Variants in PPP1R16B observed in about 807,000 individuals in gnomAD.
PPP1R16B encodes the protein protein phosphatase 1 regulatory inhibitor subunit 16B.
In PPP1R16B, 14 loss-of-function variants were observed where a neutral mutation model predicts 61.7. The ratio of observed to expected loss-of-function variants is 0.23; its 90% CI spans 0.15 to 0.35. The LOEUF (loss-of-function observed/expected upper bound fraction) is 0.35, where lower values mean the gene tolerates loss of function less well. PPP1R16B is among the 10% of genes least tolerant of loss of function. The probability of loss-of-function intolerance (pLI) is 1.00; values close to 1 mark genes in which losing one functional copy is unlikely to be tolerated. For missense variants in PPP1R16B, 547 were observed against 752.5 expected (o/e 0.73, Z 3.19); for synonymous variants, 266 against 305.3 (o/e 0.87, Z 1.34).
At position 38,918,650 on chromosome 20, in the gene PPP1R16B, G is replaced by A. The variant is rs1274461835; in HGVS notation, c.1688G>A (p.Cys563Tyr). ...GAGATGGAGGAGAAGGTGCATGGCT[G>A]TTGCCGTATCTCCTAGTCTCCGTGT... is the stretch of plus-strand genomic sequence containing the variant. ...IEEMEEKVHG[C>Y]CRIS is the part of the protein sequence containing the mutation. Residue 563 changes from cysteine to tyrosine, a missense_variant, in exon 11 of 11, where the codon TGT (cysteine) becomes TAT (tyrosine). Transcript: ENST00000299824. This position sits in a 1 kb window ranked among gnomAD's most constrained non-coding sequence, Gnocchi z 5.3. 1 of 1,511,732 alleles carries A rather than the reference G, an allele frequency of 6.6e-7. No homozygotes were observed. Among genetic ancestry groups the A allele is most frequent in the African/African-American group, 1.4e-5 (1 of 71,762 alleles). 93.6% of individuals were successfully genotyped at this position (1,511,732 alleles called of 1,614,324 possible).
chr20:38,877,043 G>C (rs1402477014), intron 2 of PPP1R16B, among the ~76,000 whole-genome samples: 2 of 152,062 alleles, frequency 1.3e-5, no homozygotes, highest in African/African-American at 2.4e-5. Context: ...TATATATCAA[G>C]CATTTTCCCA....
intron 2 of PPP1R16B, among the ~76,000 whole-genome samples, chr20:38,839,094 A>C (rs1229000171): frequency 6.6e-6 from 1 of 152,042 alleles, no homozygotes; most frequent in African/African-American, 2.4e-5. Context: ...TACCCAGCTA[A>C]TTTTTGTATT....
chr20:38,855,730 C>T (rs779662468), intron 2 of PPP1R16B, among the ~76,000 whole-genome samples: 1 of 151,562 alleles, frequency 6.6e-6, no homozygotes, highest in Non-Finnish European at 1.5e-5. Flanking sequence ...GGCCATGCCA[C>T]CCACCCAGTG....
At chr20:38,914,963 C>T (rs946987397) in intron 10 of PPP1R16B, among the ~76,000 whole-genome samples, 1 of 152,182 alleles carries the variant, frequency 6.6e-6, no homozygotes, top group Non-Finnish European at 1.5e-5. Context: ...CCACTGCACC[C>T]AGCAGGGATT....
At chr20:38,841,353 G>GAAAAAAAAA (rs34203271) in intron 2 of PPP1R16B, among the ~76,000 whole-genome samples, 1 of 42,600 alleles carries the variant, frequency 2.3e-5, no homozygotes, top group African/African-American at 7.9e-5. Flanking sequence ...TGTCTGTACT[G>GAAAAAAAAA]AAAAAAAAAA....
intron 2 of PPP1R16B, among the ~76,000 whole-genome samples, chr20:38,887,825 A>C (rs969690129): frequency 6.6e-6 from 1 of 152,110 alleles, no homozygotes; most frequent in Non-Finnish European, 1.5e-5. Context: ...CTGGGTGGTG[A>C]CCTCAACCTC....
chr20:38,820,436 T>A (rs1204312251), intron 1 of PPP1R16B, among the ~76,000 whole-genome samples: 2 of 152,024 alleles, frequency 1.3e-5, no homozygotes, highest in Non-Finnish European at 2.9e-5. Flanking sequence ...CACATGCCTG[T>A]AATCCCAGCT....
chr20:38,810,145 A>C (rs907317826), intron 1 of PPP1R16B, among the ~76,000 whole-genome samples: 11 of 152,338 alleles, frequency 7.2e-5, no homozygotes, highest in Admixed American at 5.9e-4. Context: ...TGAGCCCTTC[A>C]GTGACAGTTT....
chr20:38,891,362 T>A (rs982389668), intron 3 of PPP1R16B, among the ~76,000 whole-genome samples: 2 of 152,214 alleles, frequency 1.3e-5, no homozygotes, highest in African/African-American at 4.8e-5. Flanking sequence ...AATGAACACA[T>A]GTAAAACTTT....
rs183468536 is a variant in PPP1R16B, at chr20:38,906,045, A to C, written c.773A>C (p.Lys258Thr). The change falls in exon 7 of 11, where the codon AAG becomes ACG. Residue 258 changes from lysine to threonine, a missense_variant. Lys to Thr is a moderately conservative substitution (Grantham distance 78). Transcript: ENST00000299824. ...GACCATGGAGTGCGTGTGGATGTGA[A>C]GGACTGGGATGGCTGGGAGCCCCTG... ...LLDHGVRVDV[K>T]DWDGWEPLHA... The C allele has an allele frequency of 5.6e-6, 9 of 1,613,618 alleles. No homozygotes were observed. In the Admixed American group the frequency reaches 1.0e-4, roughly 18 times the overall value.
chr20:38,899,788 T>C (rs1048086103), intron 4 of PPP1R16B, among the ~76,000 whole-genome samples: 10 of 151,966 alleles, frequency 6.6e-5, no homozygotes, highest in African/African-American at 2.4e-4. Context: ...TGACCGAACC[T>C]GTCTGAGTCT....
At chr20:38,915,466 T>C (rs989923364) in intron 10 of PPP1R16B, among the ~76,000 whole-genome samples, 4 of 152,210 alleles carry the variant, frequency 2.6e-5, no homozygotes, top group African/African-American at 9.6e-5. Flanking sequence ...ATATAATATG[T>C]GATGCTTTCA....
In PPP1R16B at chr20:38,889,585, C is replaced by T. The variant is rs1398163834; in HGVS notation, c.251-10C>T. On this transcript the variant is annotated splice_polypyrimidine_tract_variant and intron_variant, in intron 2 of 10. Transcript: ENST00000299824. ...AACGGGAAGCTCACTCCTGTACCCT[C>T]CTATTGCAGTACGCTACTTCCTGAA... 1.3e-6 allele frequency: 2 copies of T among 1,567,486 alleles called. No individual in the cohort carries two copies. The highest frequency in any genetic ancestry group is 1.8e-6 in the Non-Finnish European group (2 of 1,137,564).
intron 4 of PPP1R16B, among the ~76,000 whole-genome samples, chr20:38,899,370 G>A (rs1260356441): frequency 6.6e-6 from 1 of 152,182 alleles, no homozygotes; most frequent in Admixed American, 6.5e-5. Context: ...TGGGTCAGTG[G>A]GTCCCAAAGC....
chr20:38,825,897 T>C (rs2084802666), intron 1 of PPP1R16B, among the ~76,000 whole-genome samples: 1 of 152,228 alleles, frequency 6.6e-6, no homozygotes, highest in Non-Finnish European at 1.5e-5. Context: ...TCTTCAGCCA[T>C]GGCAGGCTTT....
intron 2 of PPP1R16B, among the ~76,000 whole-genome samples, chr20:38,885,057 A>G (rs182989468): frequency 2.1e-4 from 30 of 142,634 alleles, no homozygotes; most frequent in Non-Finnish European, 2.4e-4. Flanking sequence ...AAAAAAAAAA[A>G]AAGAAGAAGA....
chr20:38,854,000 C>T (rs1479837285), intron 2 of PPP1R16B, among the ~76,000 whole-genome samples: 2 of 152,176 alleles, frequency 1.3e-5, no homozygotes, highest in African/African-American at 4.8e-5. Flanking sequence ...TCTATACAAG[C>T]GCTTGGGTAC....
intron 2 of PPP1R16B, among the ~76,000 whole-genome samples, chr20:38,869,408 C>T (rs2085111948): frequency 6.6e-6 from 1 of 152,140 alleles, no homozygotes. Context: ...ATCCACCCAC[C>T]TCAGCCTCCC....
At chr20:38,813,003 A>G (rs1370060292) in intron 1 of PPP1R16B, among the ~76,000 whole-genome samples, 4 of 152,094 alleles carry the variant, frequency 2.6e-5, no homozygotes, top group Admixed American at 2.0e-4. Flanking sequence ...TAGTCTGTGA[A>G]CTGCACTTTG....
Sources: allele counts gnomAD v4.1 joint callset (sites outside exome capture counted in the v4.1 genomes callset), GRCh38; gene constraint gnomAD v4.1.1; non-coding constraint Gnocchi (gnomAD v3.1); transcripts MANE v1.5; gene names NCBI Gene and HGNC (gene_info 2026-07-23, HGNC 2026-07-21).